The following CD276 variants were observed in gnomAD, a reference collection of about 807,000 sequenced individuals.
The protein encoded by CD276 is CD276 molecule, also known as CD276 antigen.
In CD276, 34 loss-of-function variants were observed where a neutral mutation model predicts 50.0. That is an observed-to-expected ratio of 0.68 (90% CI 0.52 to 0.91). The LOEUF (loss-of-function observed/expected upper bound fraction) is 0.91. Among genes scored for constraint, CD276 ranks in the 40% least tolerant of loss-of-function variants. The probability of loss-of-function intolerance (pLI) is 0.00; values close to 1 mark genes in which losing one functional copy is unlikely to be tolerated. For synonymous variants in CD276, 275 were observed against 313.0 expected (o/e 0.88, Z 1.28); for missense variants, 634 against 717.5 (o/e 0.88, Z 1.33).
chr15:73,700,534 C>T (rs1435332167), intron 2 of CD276, among the ~76,000 whole-genome samples: 1 of 152,132 alleles, frequency 6.6e-6, no homozygotes, highest in African/African-American at 2.4e-5. Flanking sequence ...AGGTTTCATT[C>T]CCCCAAATGT....
chr15:73,702,204 C>T (rs1317081224), intron 2 of CD276, 51 bp from the exon 3 acceptor site: 1 of 1,420,478 alleles, frequency 7.0e-7, no homozygotes, highest in Non-Finnish European at 9.5e-7. Context: ...ACTAGGGAGG[C>T]CCACCCCTCC....
chr15:73,689,056 C>T (rs934394389), intron 1 of CD276, among the ~76,000 whole-genome samples: 8 of 152,080 alleles, frequency 5.3e-5, no homozygotes, highest in African/African-American at 9.7e-5. Flanking sequence ...CCGAAATCTG[C>T]GCTCTGATGT....
intron 1 of CD276, among the ~76,000 whole-genome samples, chr15:73,699,371 C>T (rs1000868147): frequency 1.3e-5 from 2 of 152,196 alleles, no homozygotes; most frequent in African/African-American, 4.8e-5. Context: ...ATCCCAGCTG[C>T]CCCCTACCCC....
chr15:73,702,969 A>G lies in CD276; in HGVS notation c.616A>G (p.Ser206Gly), dbSNP rs947024848. Residue 206 changes from serine (S) to glycine (G), a missense_variant, in exon 4 of 10, where the codon AGC (serine) becomes GGC (glycine). Ser to Gly is a moderately conservative substitution (Grantham distance 56). Transcript: ENST00000318443. ...ANEQGLFDVHSILRVVLGANG... is the reference protein window; with the variant it reads ...ANEQGLFDVHGILRVVLGANG... ...CGAGCAGGGCTTGTTTGATGTGCAC[A>G]GCATCCTGCGGGTGGTGCTGGGTGC... The G allele has an allele frequency of 1.1e-5, 17 of 1,614,072 alleles. No individual in the cohort carries two copies. The highest frequency in any genetic ancestry group is 2.2e-5 in the East Asian group (1 of 44,886).
intron 1 of CD276, among the ~76,000 whole-genome samples, chr15:73,695,339 CG>C (rs1567015075): frequency 6.6e-6 from 1 of 152,094 alleles, no homozygotes; most frequent in African/African-American, 2.4e-5. Flanking sequence ...GTCAGGAGGA[CG>C]GGTCTCTGGA....
chr15:73,708,568 T>A (rs1420378031), intron 7 of CD276, 95 bp downstream of exon 7: 2 of 1,417,524 alleles, frequency 1.4e-6, no homozygotes, highest in East Asian at 4.9e-5. Flanking sequence ...CACTTTCTAG[T>A]GACAGAACGA....
chr15:73,709,396 T>TG (rs1900794667), intron 7 of CD276, among the ~76,000 whole-genome samples: 1 of 150,238 alleles, frequency 6.7e-6, no homozygotes, highest in East Asian at 2.0e-4. Context: ...GGGTGAGTGG[T>TG]GGGGGCGCCA....
chr15:73,711,185 G>T lies in CD276; in HGVS notation c.1582+15G>T. 1 of 1,613,516 alleles carries T rather than the reference G, an allele frequency of 6.2e-7. No homozygotes were observed. ...CAGCAAAGAAGGTAAAGACACCTGG[G>T]CTTGAGGTTGTGTCTGTGTATGCAC... On this transcript the variant is annotated intron_variant, in intron 9 of 9. Coordinates refer to ENST00000318443, the MANE Select transcript of CD276 (RefSeq NM_001024736.2).
chr15:73,711,991 C>T (rs1210205393), intron 9 of CD276: 1 of 151,994 alleles, frequency 6.6e-6, no homozygotes, highest in Non-Finnish European at 1.5e-5. Flanking sequence ...CCTGTCTCTA[C>T]TAAAAATACA....
intron 4 of CD276, 80 bp downstream of exon 4, chr15:73,703,166 C>T: frequency 6.9e-7 from 1 of 1,453,970 alleles, no homozygotes; most frequent in Non-Finnish European, 9.3e-7. Flanking sequence ...AATCTGGCCC[C>T]ACCTTCAATC....
In CD276 at chr15:73,687,075, G is replaced by A. The variant is rs574762440; in HGVS notation, c.-55+2615G>A. ...GTGAGGACTGGTCCACATGATTTTT[G>A]AGAAATTGCCTTTGGTCTTGTTGGC... On this transcript the variant is annotated intron_variant, in intron 1 of 9. Transcript: ENST00000318443. The surrounding 1 kb of genome is among the most constrained non-coding windows in gnomAD (Gnocchi z 4.0). Among the ~76,000 whole-genome samples the A allele has an allele frequency of 4.3e-4, 65 of 152,228 alleles. No homozygotes were observed. Among genetic ancestry groups the A allele is most frequent in the Non-Finnish European group, 8.5e-4 (58 of 68,004 alleles).
At chr15:73,701,290 G>A (rs1332493725) in intron 2 of CD276, among the ~76,000 whole-genome samples, 2 of 152,102 alleles carry the variant, frequency 1.3e-5, no homozygotes, top group African/African-American at 4.8e-5. Flanking sequence ...ACCTCTTACA[G>A]GGACAGCTGA....
intron 1 of CD276, among the ~76,000 whole-genome samples, chr15:73,692,166 G>T (rs963242927): frequency 1.3e-5 from 2 of 151,964 alleles, no homozygotes; most frequent in Non-Finnish European, 2.9e-5. Flanking sequence ...TGTCCCCTCC[G>T]CCAGATAGCC....
chr15:73,689,196 G>T (rs993556588), intron 1 of CD276, among the ~76,000 whole-genome samples: 2 of 150,008 alleles, frequency 1.3e-5, no homozygotes, highest in African/African-American at 4.9e-5. Flanking sequence ...TCCTGTGTGT[G>T]TGTGTGTGTG....
intron 2 of CD276, among the ~76,000 whole-genome samples, chr15:73,702,000 C>T (rs1900409040): frequency 6.6e-6 from 1 of 152,242 alleles, no homozygotes; most frequent in African/African-American, 2.4e-5. Flanking sequence ...CTCTCTCTCC[C>T]ATTAAAATGT....
intron 1 of CD276, chr15:73,690,903 A>T: frequency 2.4e-6 from 1 of 408,626 alleles, no homozygotes; most frequent in Non-Finnish European, 4.9e-6. Flanking sequence ...GCTATGGAGG[A>T]GCTGCGATCT....
chr15:73,700,288 C>T (rs529899791), intron 2 of CD276, among the ~76,000 whole-genome samples: 1 of 152,298 alleles, frequency 6.6e-6, no homozygotes, highest in African/African-American at 2.4e-5. Flanking sequence ...ATGTGACTCT[C>T]CCCACACGGT....
chr15:73,693,163 C>T (rs1424752761), intron 1 of CD276, among the ~76,000 whole-genome samples: 1 of 152,088 alleles, frequency 6.6e-6, no homozygotes, highest in African/African-American at 2.4e-5. Context: ...CTTTCCTATT[C>T]CTGTCCTCTC....
chr15:73,704,156 C>T lies in CD276; in HGVS notation c.1073-20C>T, dbSNP rs761420087. On this transcript the variant is annotated intron_variant, in intron 5 of 9. Coordinates refer to ENST00000318443, the MANE Select transcript of CD276 (RefSeq NM_001024736.2). This position sits in a 1 kb window ranked among gnomAD's most constrained non-coding sequence, Gnocchi z 4.1. ...CCTGCCATTGCCCTGCCCTTGACCC[C>T]TGCCCTCTGTCACCTCCAGCTCCCT... The T allele has an allele frequency of 3.7e-6, 6 of 1,604,924 alleles. No individual in the cohort carries two copies. Among genetic ancestry groups the T allele is most frequent in the Non-Finnish European group, 5.1e-6 (6 of 1,175,120 alleles).
Sources: gnomAD v4.1 joint callset for allele counts (sites outside exome capture counted in the v4.1 genomes callset) on GRCh38, gnomAD v4.1.1 for gene constraint, Gnocchi (gnomAD v3.1) non-coding constraint, MANE v1.5 for transcripts, NCBI Gene and HGNC (gene_info 2026-07-23, HGNC 2026-07-21) for gene names.